Variants in FA2H observed in about 807,000 individuals in gnomAD.
FA2H encodes fatty acid 2-hydroxylase.
Under a neutral mutation model 44.9 loss-of-function variants are expected in FA2H, and 22 were observed. The observed-to-expected ratio is 0.49, with a 90% CI of 0.35 to 0.70. The LOEUF is 0.70. FA2H is among the 30% of genes least tolerant of loss of function. FA2H has a pLI of 0.01. For missense variants in FA2H, 501 were observed against 504.9 expected (o/e 0.99, Z 0.07); for synonymous variants, 243 against 213.2 (o/e 1.14, Z -1.22).
chr16:74,746,903 T>G (rs1962434225), intron 1 of FA2H, among the ~76,000 whole-genome samples: 1 of 152,178 alleles, frequency 6.6e-6, no homozygotes, highest in Admixed American at 6.5e-5. Context: ...CAGCAAGGTC[T>G]GATGAAGGGC....
chr16:74,765,159 C>CTTT (rs11411146), intron 1 of FA2H, among the ~76,000 whole-genome samples: 7 of 147,070 alleles, frequency 4.8e-5, no homozygotes, highest in African/African-American at 1.0e-4. Context: ...TTTTCTTAAT[C>CTTT]TTTTTTTTTT....
chr16:74,751,308 C>A (rs982918240), intron 1 of FA2H, among the ~76,000 whole-genome samples: 2 of 152,176 alleles, frequency 1.3e-5, no homozygotes, highest in Non-Finnish European at 2.9e-5. Flanking sequence ...GTTGCCCAGG[C>A]TGGTCTTGAA....
intron 2 of FA2H, among the ~76,000 whole-genome samples, chr16:74,732,045 TTTTG>T (rs750985986): frequency 7.2e-5 from 11 of 152,136 alleles, no homozygotes; most frequent in East Asian, 5.8e-4. Flanking sequence ...GCTAATTGTT[TTTTG>T]TTTGTTTGTT....
At chr16:74,740,374 T>C (rs899999075) in intron 1 of FA2H, among the ~76,000 whole-genome samples, 3 of 152,058 alleles carry the variant, frequency 2.0e-5, no homozygotes, top group Admixed American at 1.3e-4. Flanking sequence ...CCCAGCACTT[T>C]GGGAGGTCAA....
rs1263931890 is a variant in FA2H at position 74,716,565 on chromosome 16, G to T, written c.821C>A (p.Pro274His). 1 of 1,596,694 alleles carries T rather than the reference G, an allele frequency of 6.3e-7. No homozygotes were observed. The highest frequency in any genetic ancestry group is 8.5e-7 in the Non-Finnish European group (1 of 1,171,908). Residue 274 changes from proline (P) to histidine (H), a missense_variant, in exon 6 of 7, where the codon CCT becomes CAT. Coordinates refer to ENST00000219368, the MANE Select transcript of FA2H (RefSeq NM_024306.5). ...PFDGSRLVFP[P>H]VPASLVIGVF... Reference sequence around the variant, plus strand: ...GCCGATCACCAGGGAGGCTGGCACAGGGGGGAAGACCAGGCGGGAGCCGTC... The same window carrying T: ...GCCGATCACCAGGGAGGCTGGCACATGGGGGAAGACCAGGCGGGAGCCGTC...
chr16:74,755,177 G>A (rs1219938356), intron 1 of FA2H, among the ~76,000 whole-genome samples: 3 of 150,972 alleles, frequency 2.0e-5, no homozygotes, highest in Non-Finnish European at 4.4e-5. Flanking sequence ...TTTTGGCAGG[G>A]CTGGGGGGTG....
In FA2H at chr16:74,716,563, CAG is replaced by C. The variant is rs878855083; in HGVS notation, c.821_822del (p.Pro274ArgfsTer38). 1.3e-6 allele frequency: 2 copies of C among 1,598,358 alleles called. No homozygotes were observed. The highest frequency in any genetic ancestry group is 1.8e-5 in the Admixed American group (1 of 57,016). ...ACGCCGATCACCAGGGAGGCTGGCA[CAG>C]GGGGGAAGACCAGGCGGGAGCCGTC... ...PFDGSRLVFP[P>X]VPASLVIGVF... On this transcript the variant is annotated frameshift_variant, in exon 6 of 7. Coordinates refer to ENST00000219368, the MANE Select transcript of FA2H (RefSeq NM_024306.5). LOFTEE classifies it high-confidence loss of function.
chr16:74,735,241 G>C (rs753839027), intron 2 of FA2H, among the ~76,000 whole-genome samples: 3 of 152,122 alleles, frequency 2.0e-5, no homozygotes, highest in Non-Finnish European at 4.4e-5. Context: ...TCAGCACAAC[G>C]GCTGTGATTC....
chr16:74,766,810 C>T lies in FA2H; in HGVS notation c.270+7676G>A, dbSNP rs563537943. ...CATCAATAATACCCCAGACATAATA[C>T]TGAGTGAAAGCAGCCATCAACAGAG... is the stretch of plus-strand genomic sequence containing the variant. On this transcript the variant is annotated intron_variant, in intron 1 of 6. Transcript: ENST00000219368. Among the ~76,000 whole-genome samples the T allele has an allele frequency of 7.2e-5, 11 of 152,280 alleles. No homozygotes were observed. The South Asian group carries it at 1.7e-3, about 23-fold the overall frequency.
chr16:74,766,588 A>C (rs8062008), intron 1 of FA2H, among the ~76,000 whole-genome samples: 3,459 of 152,098 alleles, frequency 0.023, 133 homozygotes, highest in African/African-American at 0.08. Context: ...GAGTGTAGCG[A>C]GGCTCTAGCC....
intron 1 of FA2H, among the ~76,000 whole-genome samples, chr16:74,741,751 G>A (rs749545867): frequency 7.2e-5 from 10 of 138,906 alleles, no homozygotes; most frequent in Admixed American, 6.0e-4. Context: ...GTGAGCCACC[G>A]TGCTGGGCCA....
At chr16:74,714,765 TC>T (rs1279768692) in intron 6 of FA2H, among the ~76,000 whole-genome samples, 1 of 152,166 alleles carries the variant, frequency 6.6e-6, no homozygotes, top group African/African-American at 2.4e-5. Flanking sequence ...AAACTGAATT[TC>T]TAACTTCATT....
At chr16:74,749,326 G>C (rs1339696968) in intron 1 of FA2H, among the ~76,000 whole-genome samples, 2 of 152,204 alleles carry the variant, frequency 1.3e-5, no homozygotes, top group Non-Finnish European at 1.5e-5. Context: ...ACCATATCTG[G>C]CAAGTGAGAA....
intron 1 of FA2H, among the ~76,000 whole-genome samples, chr16:74,749,626 G>A (rs1356804027): frequency 6.6e-6 from 1 of 152,300 alleles, no homozygotes; most frequent in African/African-American, 2.4e-5. Context: ...CCTCGACACC[G>A]GAAGCCTAAG....
chr16:74,739,019 A>G (rs897156182), intron 2 of FA2H, among the ~76,000 whole-genome samples: 18 of 152,144 alleles, frequency 1.2e-4, no homozygotes, highest in African/African-American at 4.1e-4. Context: ...GACAGGTGGG[A>G]TCTCTGTGTT....
intron 1 of FA2H, among the ~76,000 whole-genome samples, chr16:74,770,419 C>A (rs1038057715): frequency 2.0e-5 from 3 of 152,190 alleles, no homozygotes; most frequent in Non-Finnish European, 4.4e-5. Context: ...GCTCTGTCAC[C>A]CAGGCTGGAG....
At chr16:74,741,808 A>ATATATATATATGTATG (rs1491185782) in intron 1 of FA2H, among the ~76,000 whole-genome samples, 1 of 48,416 alleles carries the variant, frequency 2.1e-5, no homozygotes, top group African/African-American at 1.1e-4. Flanking sequence ...ATATATATAT[A>ATATATATATATGTATG]TGTGTGTGTG....
chr16:74,722,559 C>A (rs891884221), intron 4 of FA2H, among the ~76,000 whole-genome samples: 1 of 151,728 alleles, frequency 6.6e-6, no homozygotes, highest in African/African-American at 2.4e-5. Context: ...GAAAAGAAAA[C>A]GTAGGTTGGA....
intron 5 of FA2H, among the ~76,000 whole-genome samples, chr16:74,718,328 G>A (rs928884894): frequency 2.0e-5 from 3 of 152,164 alleles, no homozygotes; most frequent in African/African-American, 7.2e-5. Context: ...AGCCTGGGAT[G>A]GGCCAAGGAC....
Sources: allele counts gnomAD v4.1 joint callset (sites outside exome capture counted in the v4.1 genomes callset), GRCh38; gene constraint gnomAD v4.1.1; transcripts MANE v1.5; gene names NCBI Gene and HGNC (gene_info 2026-07-23, HGNC 2026-07-21).